MAP4K3: variants seen among roughly 807,000 people sequenced by gnomAD.
MAP4K3 encodes the protein MAPK/ERK kinase kinase kinase 3.
A neutral mutation model predicts 143.5 loss-of-function variants in MAP4K3; 94 were observed. That is an observed-to-expected ratio of 0.65 (90% CI 0.55 to 0.78). The LOEUF (loss-of-function observed/expected upper bound fraction) is 0.78. Ranked by LOEUF, MAP4K3 falls within the 30% of genes least tolerant of loss-of-function variation. The pLI, the probability that MAP4K3 is intolerant of heterozygous loss-of-function variation, is 0.00. For synonymous variants in MAP4K3, 416 were observed against 347.2 expected (o/e 1.20, Z -2.20); for missense variants, 1,077 against 1,068.1 (o/e 1.01, Z -0.12).
At chr2:39,383,104 G>A (rs1467083442) in intron 1 of MAP4K3, among the ~76,000 whole-genome samples, 1 of 152,106 alleles carries the variant, frequency 6.6e-6, no homozygotes, top group Non-Finnish European at 1.5e-5. Context: ...TGAAGGGATG[G>A]CTTCATGTTC....
At chr2:39,275,966 G>T (rs1265528278) in intron 24 of MAP4K3, among the ~76,000 whole-genome samples, 6 of 152,034 alleles carry the variant, frequency 3.9e-5, no homozygotes, top group Non-Finnish European at 8.8e-5. Flanking sequence ...TCCGCCTCCC[G>T]GGTTTAAGTG....
chr2:39,306,203 C>A (rs928809607), intron 15 of MAP4K3, among the ~76,000 whole-genome samples: 6 of 151,966 alleles, frequency 3.9e-5, no homozygotes, highest in Admixed American at 2.6e-4. Flanking sequence ...TTAATAAATA[C>A]TAGAGTCAAT....
intron 29 of MAP4K3, among the ~76,000 whole-genome samples, chr2:39,259,421 CTTACCAAT>C (rs1401925532): frequency 6.6e-6 from 1 of 152,158 alleles, no homozygotes; most frequent in East Asian, 1.9e-4. Context: ...AATGATCACT[CTTACCAAT>C]ACCCCTAGTG....
At position 39,437,043 on chromosome 2, in the gene MAP4K3, G is replaced by C. The variant is rs1665513934; in HGVS notation, c.-56C>G. ...CCGGGCAGGGGAGGGGGGCCGCTCA[G>C]GGGGCCACACGGAGAGAGGGCGCCG... On this transcript the variant is annotated 5_prime_UTR_variant, in exon 1 of 34. Coordinates refer to ENST00000263881, the MANE Select transcript of MAP4K3 (RefSeq NM_003618.4). The C allele has an allele frequency of 7.1e-7, 1 of 1,406,604 alleles. No individual in the cohort carries two copies. Among genetic ancestry groups the C allele is most frequent in the Admixed American group, 1.9e-5 (1 of 52,644 alleles). The allele number at this position is 1,406,604 out of a possible 1,614,324, so 87.1% of individuals were successfully genotyped here.
At chr2:39,258,610 T>C in intron 29 of MAP4K3, 23 bp from the exon 30 acceptor site, 1 of 1,542,722 alleles carries the variant, frequency 6.5e-7, no homozygotes, top group Non-Finnish European at 9.0e-7. Context: ...CAAATTTTGG[T>C]AAACCTACAG....
chr2:39,301,509 T>C (rs1558633127), intron 15 of MAP4K3, among the ~76,000 whole-genome samples: 1 of 152,194 alleles, frequency 6.6e-6, no homozygotes, highest in Non-Finnish European at 1.5e-5. Flanking sequence ...GGGCCCTCTA[T>C]CAGACCAGCT....
chr2:39,431,209 A>G (rs199546382), intron 1 of MAP4K3, among the ~76,000 whole-genome samples: 2 of 152,308 alleles, frequency 1.3e-5, no homozygotes, highest in East Asian at 3.9e-4. Context: ...AGGCCCCTTC[A>G]CTTGCATGGT....
chr2:39,267,155 CAGAG>C, intron 27 of MAP4K3, 30 bp downstream of exon 27: 1 of 1,604,946 alleles, frequency 6.2e-7, no homozygotes, highest in South Asian at 1.1e-5. Flanking sequence ...GGAGGAGTCT[CAGAG>C]AGCTATATGC....
At position 39,290,272 on chromosome 2, in the gene MAP4K3, T is replaced by G. The variant is rs1172207331; in HGVS notation, c.1314+20A>C. ...GAACAATAACACACATATATCAAAT[T>G]GAAAAATAAATCTGTCTACCTTTGG... On this transcript the variant is annotated intron_variant, in intron 19 of 33. Transcript: ENST00000263881. The G allele has an allele frequency of 6.3e-7, 1 of 1,587,956 alleles. No homozygotes were observed. Among genetic ancestry groups the G allele is most frequent in the Non-Finnish European group, 8.6e-7 (1 of 1,167,388 alleles).
intron 6 of MAP4K3, among the ~76,000 whole-genome samples, chr2:39,334,634 C>G (rs902702238): frequency 1.3e-5 from 2 of 152,164 alleles, no homozygotes; most frequent in Admixed American, 1.3e-4. Context: ...TTTGGCCTTT[C>G]TTCAGCTCAG....
intron 1 of MAP4K3, among the ~76,000 whole-genome samples, chr2:39,424,991 G>A (rs1318842012): frequency 6.6e-6 from 1 of 152,026 alleles, no homozygotes; most frequent in Non-Finnish European, 1.5e-5. Flanking sequence ...AAGATGTGGG[G>A]AATCCCAAAC....
intron 16 of MAP4K3, chr2:39,294,231 T>C (rs745579385): frequency 6.6e-6 from 1 of 152,136 alleles, no homozygotes; most frequent in Non-Finnish European, 1.5e-5. Context: ...GCCCTTAAAA[T>C]TACAAAACAT....
chr2:39,432,413 T>C (rs931064368), intron 1 of MAP4K3, among the ~76,000 whole-genome samples: 4 of 152,220 alleles, frequency 2.6e-5, no homozygotes, highest in Admixed American at 6.5e-5. Context: ...CAACTGATGA[T>C]GGGAAATTCT....
intron 1 of MAP4K3, among the ~76,000 whole-genome samples, chr2:39,422,330 C>G (rs925556807): frequency 6.6e-6 from 1 of 152,122 alleles, no homozygotes; most frequent in Non-Finnish European, 1.5e-5. Flanking sequence ...CAGTCCTTAT[C>G]TCCCCTAGTT....
rs781131258 is a variant in MAP4K3, at chr2:39,288,154, G to A, written c.1441C>T (p.Pro481Ser). Residue 481 changes from proline (P) to serine (S), a missense_variant, in exon 20 of 34, where the codon CCC (proline) becomes TCC (serine). Around this residue, in one of 2 missense-constraint regions of MAP4K3, gnomAD observed 864 missense variants for 801.2 expected, o/e 1.08. Coordinates refer to ENST00000263881, the MANE Select transcript of MAP4K3 (RefSeq NM_003618.4). ...PSQVPPRPPP[P>S]RLPPHKPVAL... is the part of the protein sequence containing the mutation. ...ACAGGTTTGTGTGGGGGTAATCTGG[G>A]AGGTGGTGGTCTAGGTGGAACTTGG... 4 of 1,614,114 alleles carry A rather than the reference G, an allele frequency of 2.5e-6. No homozygotes were observed. Among genetic ancestry groups the A allele is most frequent in the Non-Finnish European group, 3.4e-6 (4 of 1,180,016 alleles).
intron 1 of MAP4K3, 182 bp downstream of exon 1, chr2:39,436,710 G>T: frequency 1.7e-6 from 1 of 599,120 alleles, no homozygotes; most frequent in Non-Finnish European, 3.0e-6. Flanking sequence ...GGAGGTCTCG[G>T]GGTTAAACAT....
At chr2:39,278,368 TA>T in intron 24 of MAP4K3, 38 bp downstream of exon 24, 1 of 1,287,096 alleles carries the variant, frequency 7.8e-7, no homozygotes, top group Admixed American at 2.2e-5. Flanking sequence ...TATGGTAACT[TA>T]AAAATTAAAA....
At chr2:39,306,727 A>G (rs1023035012) in intron 15 of MAP4K3, among the ~76,000 whole-genome samples, 22 of 152,162 alleles carry the variant, frequency 1.4e-4, no homozygotes, top group African/African-American at 5.1e-4. Flanking sequence ...ACTGTTTCCA[A>G]TTGCTGTGAA....
intron 7 of MAP4K3, among the ~76,000 whole-genome samples, chr2:39,332,736 T>G (rs1683721540): frequency 6.6e-6 from 1 of 152,084 alleles, no homozygotes; most frequent in African/African-American, 2.4e-5. Flanking sequence ...ATATCTTTTC[T>G]GCTTTTCCCA....
Sources: allele counts gnomAD v4.1 joint callset (sites outside exome capture counted in the v4.1 genomes callset), GRCh38; gene constraint gnomAD v4.1.1; regional missense constraint gnomAD v4.1.1; transcripts MANE v1.5; gene names NCBI Gene and HGNC (gene_info 2026-07-23, HGNC 2026-07-21).